EIPR1: variants seen among roughly 807,000 people sequenced by gnomAD.
EIPR1 encodes EARP and GARP complex-interacting protein 1.
A neutral mutation model predicts 48.1 loss-of-function variants in EIPR1; 25 were observed. That is an observed-to-expected ratio of 0.52 (90% confidence interval 0.38 to 0.73). The LOEUF (loss-of-function observed/expected upper bound fraction) is 0.73, where lower values mean the gene tolerates loss of function less well. Among genes scored for constraint, EIPR1 ranks in the 30% least tolerant of loss-of-function variants. The probability of loss-of-function intolerance (pLI) is 0.00; values close to 1 mark genes in which losing one functional copy is unlikely to be tolerated. For synonymous variants in EIPR1, 204 were observed against 201.9 expected (o/e 1.01, Z -0.09); for missense variants, 415 against 506.2 (o/e 0.82, Z 1.73).
At chr2:3,287,382 TTGTTCACCACAATCCAGAAAGCG>T (rs1416042062) in intron 3 of EIPR1, among the ~76,000 whole-genome samples, 13 of 151,420 alleles carry the variant, frequency 8.6e-5, no homozygotes, top group South Asian at 8.3e-4. Context: ...TCCAGAAAGC[TTGTTCACCACAATCCAGAAAGCG>T]TGTTCACCAC....
chr2:3,316,134 C>T (rs1572433082), intron 3 of EIPR1, among the ~76,000 whole-genome samples: 1 of 132,546 alleles, frequency 7.5e-6, no homozygotes. Flanking sequence ...TACACACCCC[C>T]ACCACCATCA....
chr2:3,319,727 AGAGCAATACCACACCTGC>A (rs1669442371), intron 3 of EIPR1: 1 of 160,212 alleles, frequency 6.2e-6, no homozygotes, highest in Non-Finnish European at 1.3e-5. Context: ...CCCTGCAGGC[AGAGCAATACCACACCTGC>A]GGGCAACACC....
chr2:3,306,191 C>T lies in EIPR1; in HGVS notation c.259+31826G>A, dbSNP rs534781028. On this transcript the variant is annotated intron_variant, in intron 3 of 8. Transcript: ENST00000382125. Reference sequence around the variant, plus strand: ...GTCATGCTAGCGGTGGCCTGGGTCCCGCCCCGCCCCTTCCCTTGGCTCCTC... The same window carrying T: ...GTCATGCTAGCGGTGGCCTGGGTCCTGCCCCGCCCCTTCCCTTGGCTCCTC... 2.2e-4 allele frequency among the ~76,000 whole-genome samples: 33 copies of T among 152,322 alleles called. No individual in the cohort carries two copies. In the South Asian group the frequency reaches 4.8e-3, roughly 22 times the overall value.
At chr2:3,253,431 A>T (rs1402253373) in intron 4 of EIPR1, among the ~76,000 whole-genome samples, 1 of 152,158 alleles carries the variant, frequency 6.6e-6, no homozygotes, top group African/African-American at 2.4e-5. Flanking sequence ...AAATCTCTTC[A>T]AATATTTTAC....
At chr2:3,343,797 C>A (rs1187196491) in intron 2 of EIPR1, among the ~76,000 whole-genome samples, 1 of 152,026 alleles carries the variant, frequency 6.6e-6, no homozygotes, top group Non-Finnish European at 1.5e-5. Flanking sequence ...GGCCGGGCCA[C>A]CGAGTACAGA....
intron 4 of EIPR1, among the ~76,000 whole-genome samples, chr2:3,256,997 C>T (rs1667176476): frequency 6.6e-6 from 1 of 152,210 alleles, no homozygotes; most frequent in African/African-American, 2.4e-5. Flanking sequence ...TGAAAAGCCA[C>T]ACAGCGCTCG....
At chr2:3,275,186 T>C (rs562621115) in intron 3 of EIPR1, among the ~76,000 whole-genome samples, 144 of 151,546 alleles carry the variant, frequency 9.5e-4, no homozygotes, top group African/African-American at 3.2e-3. Flanking sequence ...TAAAACGTAA[T>C]GACACAGGAA....
intron 4 of EIPR1, among the ~76,000 whole-genome samples, chr2:3,217,232 T>C (rs1665669617): frequency 6.6e-6 from 1 of 152,116 alleles, no homozygotes; most frequent in Non-Finnish European, 1.5e-5. Context: ...GCAGTTCGTT[T>C]TGGATGGAAT....
intron 1 of EIPR1, among the ~76,000 whole-genome samples, chr2:3,365,253 A>G (rs1355315536): frequency 6.6e-6 from 1 of 151,976 alleles, no homozygotes; most frequent in East Asian, 1.9e-4. Flanking sequence ...GCCTGACAAT[A>G]TGATGAGACC....
intron 1 of EIPR1, among the ~76,000 whole-genome samples, chr2:3,363,334 T>C (rs1375489944): frequency 6.6e-6 from 1 of 151,928 alleles, no homozygotes; most frequent in African/African-American, 2.4e-5. Flanking sequence ...TGGCTGAAAA[T>C]TGTAATCAAA....
chr2:3,330,463 G>A (rs1375428214), intron 3 of EIPR1, among the ~76,000 whole-genome samples: 3 of 152,110 alleles, frequency 2.0e-5, no homozygotes, highest in Admixed American at 1.3e-4. Context: ...ACAGAGTGTC[G>A]CCGAGGATGG....
At chr2:3,351,569 A>G (rs944794095) in intron 2 of EIPR1, among the ~76,000 whole-genome samples, 1 of 151,582 alleles carries the variant, frequency 6.6e-6, no homozygotes, top group Admixed American at 6.6e-5. Context: ...TTACTCCCCA[A>G]CTCCCCTGTA....
At chr2:3,372,407 C>A (rs1479690871) in intron 1 of EIPR1, among the ~76,000 whole-genome samples, 3 of 149,812 alleles carry the variant, frequency 2.0e-5, no homozygotes, top group African/African-American at 7.3e-5. Context: ...GAAATAGAGA[C>A]ACAAAAAACC....
intron 4 of EIPR1, among the ~76,000 whole-genome samples, chr2:3,229,140 G>T (rs895528571): frequency 6.6e-5 from 10 of 152,220 alleles, no homozygotes; most frequent in Non-Finnish European, 2.9e-5. Context: ...CTTCCTAGAA[G>T]TGAGCATGAG....
At chr2:3,307,927 T>C (rs1668997293) in intron 3 of EIPR1, among the ~76,000 whole-genome samples, 2 of 152,146 alleles carry the variant, frequency 1.3e-5, no homozygotes, top group African/African-American at 2.4e-5. Flanking sequence ...TGTATACATG[T>C]ATCAAAATAT....
chr2:3,299,603 TTCTCTCTCTC>T (rs141965173), intron 3 of EIPR1, among the ~76,000 whole-genome samples: 1 of 145,282 alleles, frequency 6.9e-6, no homozygotes, highest in Non-Finnish European at 1.5e-5. Context: ...GGAAAATATT[TTCTCTCTCTC>T]TCTCTCTCTC....
chr2:3,298,122 T>C (rs1668656858), intron 3 of EIPR1, among the ~76,000 whole-genome samples: 1 of 152,174 alleles, frequency 6.6e-6, no homozygotes, highest in Non-Finnish European at 1.5e-5. Context: ...TCCTGCTCTA[T>C]TTATTGTATT....
At chr2:3,221,529 C>T (rs1572319801) in intron 4 of EIPR1, among the ~76,000 whole-genome samples, 9 of 9,964 alleles carry the variant, frequency 9.0e-4, no homozygotes, top group Non-Finnish European at 1.5e-3. Flanking sequence ...CTCTAGAACA[C>T]TCACAGTGAG....
intron 3 of EIPR1, among the ~76,000 whole-genome samples, chr2:3,281,472 G>A (rs1397449265): frequency 1.3e-5 from 2 of 152,168 alleles, no homozygotes; most frequent in Admixed American, 6.5e-5. Context: ...AAAGCAAAAC[G>A]ATGGAAAAAG....
Sources: allele counts gnomAD v4.1 joint callset (sites outside exome capture counted in the v4.1 genomes callset), GRCh38; gene constraint gnomAD v4.1.1; transcripts MANE v1.5; gene names NCBI Gene and HGNC (gene_info 2026-07-23, HGNC 2026-07-21).